BTBD9: variants seen among roughly 807,000 people sequenced by gnomAD.
BTBD9 encodes the protein BTB domain containing 9.
In BTBD9, 49 loss-of-function variants were observed where a neutral mutation model predicts 64.3. The ratio of observed to expected loss-of-function variants is 0.76; its 90% CI spans 0.61 to 0.97. The LOEUF (loss-of-function observed/expected upper bound fraction) is 0.97, where lower values mean the gene tolerates loss of function less well. Ranked by LOEUF, BTBD9 falls within the 50% of genes least tolerant of loss-of-function variation. The pLI, the probability that BTBD9 is intolerant of heterozygous loss-of-function variation, is 0.00. For synonymous variants in BTBD9, 260 were observed against 274.7 expected, an observed-to-expected ratio of 0.95 and a Z score of 0.53; for missense variants, 598 against 762.1, an observed-to-expected ratio of 0.78 and a Z score of 2.53.
intron 6 of BTBD9, among the ~76,000 whole-genome samples, chr6:38,501,820 T>C (rs1021122149): frequency 1.6e-4 from 24 of 152,232 alleles, no homozygotes; most frequent in African/African-American, 5.3e-4. Context: ...TTTGCAAGGC[T>C]ACTCTCTCCA....
chr6:38,610,131 A>G (rs1166971767), intron 1 of BTBD9, among the ~76,000 whole-genome samples: 4 of 152,242 alleles, frequency 2.6e-5, no homozygotes, highest in Non-Finnish European at 4.4e-5. Flanking sequence ...GCATCACATT[A>G]TTTGACAAAT....
At chr6:38,427,811 T>G (rs1768243212) in intron 6 of BTBD9, among the ~76,000 whole-genome samples, 1 of 151,986 alleles carries the variant, frequency 6.6e-6, no homozygotes, top group East Asian at 1.9e-4. Flanking sequence ...CTAATTATAA[T>G]GCAGCACAAT....
In BTBD9 at chr6:38,440,614, CT is replaced by C. The variant is rs1404522149; in HGVS notation, c.1155-95522del. Among the ~76,000 whole-genome samples the C allele has an allele frequency of 3.3e-5, 5 of 152,186 alleles. No homozygotes were observed. In the East Asian group the frequency reaches 9.6e-4, roughly 29 times the overall value. ...CTTTTTAAATTCTTCCATCAAGTCC[CT>C]TACAATTGTAAAAAGCAAGCAACAC... On this transcript the variant is annotated intron_variant, in intron 6 of 10. Coordinates refer to ENST00000481247, the MANE Select transcript of BTBD9 (RefSeq NM_001099272.2).
At chr6:38,188,979 T>C (rs571267607) in intron 10 of BTBD9, among the ~76,000 whole-genome samples, 27 of 152,112 alleles carry the variant, frequency 1.8e-4, no homozygotes, top group African/African-American at 6.5e-4. Context: ...GAGAAATCAA[T>C]GTGTTACTTT....
At chr6:38,199,444 G>A (rs1436972614) in intron 9 of BTBD9, among the ~76,000 whole-genome samples, 1 of 152,004 alleles carries the variant, frequency 6.6e-6, no homozygotes, top group Non-Finnish European at 1.5e-5. Flanking sequence ...CCTTACTATG[G>A]AATAAGCCCA....
At chr6:38,606,848 G>A (rs1472683832) in intron 1 of BTBD9, among the ~76,000 whole-genome samples, 1 of 152,166 alleles carries the variant, frequency 6.6e-6, no homozygotes, top group African/African-American at 2.4e-5. Context: ...ACACAGACAA[G>A]ATTCGGTAAT....
chr6:38,543,289 T>C (rs1171407241), intron 6 of BTBD9, among the ~76,000 whole-genome samples: 10 of 152,184 alleles, frequency 6.6e-5, no homozygotes, highest in Admixed American at 6.5e-4. Context: ...CCACGTTCAC[T>C]TTCTACCACC....
intron 9 of BTBD9, among the ~76,000 whole-genome samples, chr6:38,237,062 G>A (rs10947722): frequency 0.37 from 56,089 of 152,096 alleles, 11,240 homozygotes; most frequent in Non-Finnish European, 0.45. Flanking sequence ...CTGTAAAGGT[G>A]CAACTCACTT....
intron 6 of BTBD9, among the ~76,000 whole-genome samples, chr6:38,401,103 A>G (rs1228061991): frequency 6.6e-6 from 1 of 152,180 alleles, no homozygotes; most frequent in Non-Finnish European, 1.5e-5. Flanking sequence ...GTCCTCACCC[A>G]AATCTCATCT....
intron 8 of BTBD9, among the ~76,000 whole-genome samples, chr6:38,284,561 C>A (rs141456763): frequency 1.6e-4 from 24 of 152,294 alleles, no homozygotes; most frequent in African/African-American, 5.1e-4. Context: ...CCCCCTCCCC[C>A]CAGTTTCCCC....
intron 4 of BTBD9, among the ~76,000 whole-genome samples, chr6:38,583,305 A>G (rs1029899498): frequency 6.6e-6 from 1 of 151,970 alleles, no homozygotes; most frequent in South Asian, 2.1e-4. Flanking sequence ...TTGGAGACCA[A>G]CCTGACCAAC....
intron 1 of BTBD9, among the ~76,000 whole-genome samples, chr6:38,630,271 TTTTG>T (rs909967543): frequency 3.0e-4 from 45 of 152,220 alleles, no homozygotes; most frequent in African/African-American, 9.9e-4. Context: ...TGGTTTTTTG[TTTTG>T]TTTCACTTTG....
chr6:38,217,551 C>T (rs949086326), intron 9 of BTBD9, among the ~76,000 whole-genome samples: 1 of 152,078 alleles, frequency 6.6e-6, no homozygotes, highest in Non-Finnish European at 1.5e-5. Context: ...CCACAGGTAT[C>T]CTGGTCAGGC....
intron 6 of BTBD9, among the ~76,000 whole-genome samples, chr6:38,557,784 G>T (rs1775095226): frequency 9.8e-6 from 1 of 102,402 alleles, no homozygotes; most frequent in Non-Finnish European, 2.1e-5. Context: ...TTACAAATAA[G>T]GGGGGTAAAG....
At chr6:38,358,428 C>T (rs373903454) in intron 6 of BTBD9, among the ~76,000 whole-genome samples, 10 of 152,266 alleles carry the variant, frequency 6.6e-5, no homozygotes, top group South Asian at 2.1e-4. Context: ...AGCAGAGCTA[C>T]GGGAATAGAG....
chr6:38,550,910 C>T (rs774627635), intron 6 of BTBD9, among the ~76,000 whole-genome samples: 1 of 152,138 alleles, frequency 6.6e-6, no homozygotes, highest in Non-Finnish European at 1.5e-5. Context: ...TTTCTGACAC[C>T]GTCTTATACT....
intron 10 of BTBD9, among the ~76,000 whole-genome samples, chr6:38,181,855 G>A (rs1176998493): frequency 3.9e-5 from 6 of 152,174 alleles, no homozygotes; most frequent in Non-Finnish European, 8.8e-5. Context: ...AGGTGTGGTG[G>A]CAGATGCCTG....
At chr6:38,238,470 G>GTTTTTTTTTTTTTTTTT (rs34641170) in intron 9 of BTBD9, among the ~76,000 whole-genome samples, 3 of 127,990 alleles carry the variant, frequency 2.3e-5, no homozygotes, top group Admixed American at 8.2e-5. Context: ...GGAGACCAAG[G>GTTTTTTTTTTTTTTTTT]TTTTTTGTTT....
intron 8 of BTBD9, among the ~76,000 whole-genome samples, chr6:38,266,678 GAAGAAAA>G (rs1561947818): frequency 6.8e-5 from 9 of 133,108 alleles, no homozygotes. Flanking sequence ...AAGAAAGAAA[GAAGAAAA>G]AGAAAATTAT....
Sources: allele counts gnomAD v4.1 joint callset (sites outside exome capture counted in the v4.1 genomes callset), GRCh38; gene constraint gnomAD v4.1.1; transcripts MANE v1.5; gene names NCBI Gene and HGNC (gene_info 2026-07-23, HGNC 2026-07-21).